Variants in TBCK observed in about 807,000 individuals in gnomAD.
TBCK encodes the protein TBC1 domain containing kinase, also known as TBC domain-containing protein kinase-like protein.
TBCK carries 99 observed loss-of-function variants against 113.4 expected under a neutral mutation model. The ratio of observed to expected loss-of-function variants is 0.87; its 90% CI spans 0.74 to 1.03. TBCK has a LOEUF of 1.03. Among genes scored for constraint, TBCK ranks in the 50% least tolerant of loss-of-function variants. TBCK has a pLI of 0.00. For synonymous variants in TBCK, 369 were observed against 370.8 expected, an observed-to-expected ratio of 1.00 and a Z score of 0.05; for missense variants, 1,045 against 1,061.3, an observed-to-expected ratio of 0.98 and a Z score of 0.21.
At chr4:106,075,560 C>G (rs1486054050) in intron 25 of TBCK, among the ~76,000 whole-genome samples, 1 of 152,108 alleles carries the variant, frequency 6.6e-6, no homozygotes, top group Non-Finnish European at 1.5e-5. Flanking sequence ...TTTACTAGCA[C>G]TTTGATTGGC....
Position 106,231,793 on chromosome 4 carries a change from G to T in TBCK, c.1640-14C>A, listed in dbSNP as rs768039362. 19 of 1,605,560 alleles carry T rather than the reference G, an allele frequency of 1.2e-5. No individual in the cohort carries two copies. The East Asian group carries it at 2.5e-4, about 21-fold the overall frequency. On this transcript the variant is annotated splice_polypyrimidine_tract_variant and intron_variant, in intron 17 of 25. Transcript: ENST00000394708. ...GTGAGTCAAGACCTAACACAGAGGGGTTGGGAGAAAGAAGTCAAATAAATA... is the reference window on the plus strand; with the variant it reads ...GTGAGTCAAGACCTAACACAGAGGGTTTGGGAGAAAGAAGTCAAATAAATA...
intron 1 of TBCK, among the ~76,000 whole-genome samples, chr4:106,314,616 A>AT (rs869091052): frequency 0.035 from 3,540 of 102,056 alleles, 526 homozygotes; most frequent in Non-Finnish European, 0.048. Flanking sequence ...ATACTACTTG[A>AT]TTTTTTTTTT....
intron 25 of TBCK, among the ~76,000 whole-genome samples, chr4:106,079,409 T>C (rs1435926908): frequency 1.3e-5 from 2 of 152,228 alleles, no homozygotes; most frequent in Non-Finnish European, 2.9e-5. Context: ...GATATGATTG[T>C]ATACCTAGAA....
chr4:106,175,845 C>G (rs1751601203), intron 22 of TBCK, among the ~76,000 whole-genome samples: 1 of 152,054 alleles, frequency 6.6e-6, no homozygotes. Flanking sequence ...AACATATTTA[C>G]TTTGGTTTAA....
intron 19 of TBCK, among the ~76,000 whole-genome samples, chr4:106,227,704 G>T (rs1052679184): frequency 1.3e-5 from 2 of 151,894 alleles, no homozygotes; most frequent in Non-Finnish European, 2.9e-5. Context: ...TTAAAAACAA[G>T]ATCAAAAGGA....
At chr4:106,072,191 C>T (rs1030678122) in intron 25 of TBCK, among the ~76,000 whole-genome samples, 8 of 152,156 alleles carry the variant, frequency 5.3e-5, no homozygotes, top group Admixed American at 2.0e-4. Flanking sequence ...TTCCTAGCAT[C>T]GATAGTCTTT....
At chr4:106,082,067 C>G (rs1380329008) in intron 25 of TBCK, among the ~76,000 whole-genome samples, 1 of 152,202 alleles carries the variant, frequency 6.6e-6, no homozygotes, top group Non-Finnish European at 1.5e-5. Context: ...GAACTTAAAA[C>G]TACCATTTGA....
At chr4:106,200,653 T>C (rs923025412) in intron 20 of TBCK, among the ~76,000 whole-genome samples, 1 of 152,200 alleles carries the variant, frequency 6.6e-6, no homozygotes, top group African/African-American at 2.4e-5. Context: ...ATATAATATA[T>C]TTATCTTCAT....
chr4:106,237,765 C>T (rs771808482), intron 12 of TBCK, among the ~76,000 whole-genome samples: 18 of 152,044 alleles, frequency 1.2e-4, no homozygotes, highest in Non-Finnish European at 1.9e-4. Flanking sequence ...TTAGGTATAT[C>T]TTTCATATAT....
intron 14 of TBCK, 84 bp from the exon 15 acceptor site, chr4:106,235,451 T>C (rs916579446): frequency 2.4e-5 from 19 of 806,272 alleles, no homozygotes; most frequent in Admixed American, 3.4e-5. Context: ...ATACCCATGA[T>C]AAAACTTAAG....
chr4:106,108,020 T>A (rs1053971704), intron 24 of TBCK, among the ~76,000 whole-genome samples: 27 of 151,888 alleles, frequency 1.8e-4, no homozygotes, highest in Non-Finnish European at 2.9e-4. Context: ...GATGGAAAAA[T>A]TCCTGGACAT....
intron 24 of TBCK, among the ~76,000 whole-genome samples, chr4:106,097,038 C>T (rs1007380652): frequency 6.6e-6 from 1 of 151,990 alleles, no homozygotes; most frequent in Non-Finnish European, 1.5e-5. Context: ...TTTGTAGGCT[C>T]GATATCACCT....
intron 25 of TBCK, among the ~76,000 whole-genome samples, chr4:106,070,292 C>G (rs962951566): frequency 6.6e-6 from 1 of 152,090 alleles, no homozygotes; most frequent in Non-Finnish European, 1.5e-5. Context: ...ATAAATAGCT[C>G]TTATTATTTT....
chr4:106,170,975 A>G (rs1159332629), intron 23 of TBCK, 120 bp downstream of exon 23: 2 of 698,432 alleles, frequency 2.9e-6, no homozygotes, highest in East Asian at 6.3e-5. Context: ...CATGTGTTAG[A>G]AAATATCTAC....
intron 23 of TBCK, among the ~76,000 whole-genome samples, chr4:106,119,492 T>C (rs1743984864): frequency 6.6e-6 from 1 of 152,144 alleles, no homozygotes. Context: ...CCCTATCTCT[T>C]ACTATATGCA....
intron 22 of TBCK, among the ~76,000 whole-genome samples, chr4:106,191,664 A>G (rs558930938): frequency 1.4e-4 from 22 of 152,174 alleles, no homozygotes; most frequent in Non-Finnish European, 2.5e-4. Context: ...AGTTATTAAT[A>G]TAAGATGAAA....
intron 20 of TBCK, among the ~76,000 whole-genome samples, chr4:106,202,645 G>A (rs911914522): frequency 6.6e-6 from 1 of 152,002 alleles, no homozygotes; most frequent in Non-Finnish European, 1.5e-5. Flanking sequence ...CAAAAAGATA[G>A]CAACAGTTTA....
chr4:106,221,955 T>C (rs1449987915), intron 19 of TBCK, among the ~76,000 whole-genome samples: 8 of 152,100 alleles, frequency 5.3e-5, no homozygotes, highest in African/African-American at 1.9e-4. Context: ...ACATGTACCC[T>C]GAATCTAAAA....
At chr4:106,246,285 A>C (rs1263156605) in intron 10 of TBCK, among the ~76,000 whole-genome samples, 1 of 152,168 alleles carries the variant, frequency 6.6e-6, no homozygotes, top group Non-Finnish European at 1.5e-5. Flanking sequence ...ACATACCAGG[A>C]ACTCAATAAA....
Sources: allele counts gnomAD v4.1 joint callset (sites outside exome capture counted in the v4.1 genomes callset), GRCh38; gene constraint gnomAD v4.1.1; transcripts MANE v1.5; gene names NCBI Gene and HGNC (gene_info 2026-07-23, HGNC 2026-07-21).